Variants in SIK3 observed in about 807,000 individuals in gnomAD.
SIK3 encodes the protein serine/threonine-protein kinase SIK3.
In SIK3, 28 loss-of-function variants were observed where a neutral mutation model predicts 144.2. That is an observed-to-expected ratio of 0.19 (90% CI 0.14 to 0.27). The LOEUF (loss-of-function observed/expected upper bound fraction) is 0.27. SIK3 is among the 10% of genes least tolerant of loss of function. The pLI is 1.00. For synonymous variants in SIK3, 686 were observed against 676.3 expected, an observed-to-expected ratio of 1.01 and a Z score of -0.22; for missense variants, 1,319 against 1,776.0, an observed-to-expected ratio of 0.74 and a Z score of 4.62.
intron 6 of SIK3, among the ~76,000 whole-genome samples, chr11:116,882,587 C>T (rs138453955): frequency 5.8e-4 from 88 of 152,208 alleles, no homozygotes; most frequent in African/African-American, 1.7e-3. Context: ...TCTTTCTGAC[C>T]ACATAAAGCT....
chr11:116,931,180 G>T (rs1022394754), intron 3 of SIK3, among the ~76,000 whole-genome samples: 2 of 152,102 alleles, frequency 1.3e-5, no homozygotes, highest in African/African-American at 4.8e-5. Flanking sequence ...CATACCCGAC[G>T]AAGAGTAATA....
rs552161209 is a variant in SIK3 at position 116,844,657 on chromosome 11, AATAT to A, written c.*982_*985del. On this transcript the variant is annotated 3_prime_UTR_variant, in exon 25 of 25. Coordinates refer to ENST00000445177, the MANE Select transcript of SIK3 (RefSeq NM_001366686.3). ...ATATTATATTATATATTATATATATAATATATATATACACATATATTATATTATA... is the reference window on the plus strand; with the variant it reads ...ATATTATATTATATATTATATATATAATATATACACATATATTATATTATA... 6 of 103,568 alleles carry A rather than the reference AATAT, an allele frequency of 5.8e-5. No homozygotes were observed. Among genetic ancestry groups the A allele is most frequent in the Non-Finnish European group, 1.1e-4 (6 of 54,600 alleles). 6.4% of individuals were successfully genotyped at this position (103,568 alleles called of 1,614,324 possible).
intron 4 of SIK3, among the ~76,000 whole-genome samples, chr11:116,918,804 A>C (rs947821836): frequency 2.0e-5 from 3 of 152,244 alleles, no homozygotes; most frequent in African/African-American, 7.2e-5. Flanking sequence ...TATAGATATG[A>C]CATTAAGTAG....
intron 4 of SIK3, among the ~76,000 whole-genome samples, chr11:116,920,532 T>C (rs886676109): frequency 1.3e-5 from 2 of 152,196 alleles, no homozygotes; most frequent in Middle Eastern, 3.2e-3. Flanking sequence ...TGTCTATTTA[T>C]CCCCATTAGA....
At chr11:117,098,062 GC>G (rs1424293269) in intron 1 of SIK3, 80 bp downstream of exon 1, 8 of 1,185,698 alleles carry the variant, frequency 6.7e-6, no homozygotes, top group Non-Finnish European at 5.2e-6. Flanking sequence ...CGCGCTCGCC[GC>G]CCCGACCCCC....
intron 1 of SIK3, among the ~76,000 whole-genome samples, chr11:117,033,595 G>A (rs1952360058): frequency 6.6e-6 from 1 of 151,320 alleles, no homozygotes. Context: ...TGTAGTCTCA[G>A]CTACTCAGGA....
intron 1 of SIK3, among the ~76,000 whole-genome samples, chr11:117,075,509 G>A (rs1037728648): frequency 6.6e-6 from 1 of 150,642 alleles, no homozygotes; most frequent in Non-Finnish European, 1.5e-5. Flanking sequence ...TATGTGCTAT[G>A]TATATCCACA....
Position 116,867,932 on chromosome 11 carries a change from A to G in SIK3, c.1952+14T>C, listed in dbSNP as rs1213087039. On this transcript the variant is annotated intron_variant, in intron 15 of 24. Coordinates refer to ENST00000445177, the MANE Select transcript of SIK3 (RefSeq NM_001366686.3). The surrounding 1 kb of genome is among the most constrained non-coding windows in gnomAD (Gnocchi z 4.1). ...GAGCCTCAAGGAGCTCGCACAGCTC[A>G]TGTGGCTACTCACCGATGCTGATCA... The G allele has an allele frequency of 1.3e-6, 2 of 1,525,880 alleles. No homozygotes were observed. The highest frequency in any genetic ancestry group is 2.1e-5 in the Admixed American group (1 of 48,314). The allele number at this position is 1,525,880 out of a possible 1,614,324, so 94.5% of individuals were successfully genotyped here.
rs1359988623 is a variant in SIK3, at chr11:117,098,365, A to T, written c.51T>A (p.Thr17=). The part of the protein sequence containing the change: ...SGAGGAAGAG[T]GGAGPAGRLL... Reference sequence around the variant, plus strand: ...GGCGGCCCGCGGGCCCGGCTCCCCCAGTCCCGGCCCCGGCAGCCCCGCCAG... The same window carrying T: ...GGCGGCCCGCGGGCCCGGCTCCCCCTGTCCCGGCCCCGGCAGCCCCGCCAG... The change falls in exon 1 of 25, where the codon ACT becomes ACA. Residue 17 remains threonine, a synonymous_variant. Transcript: ENST00000445177. 8.6e-7 allele frequency: 1 copy of T among 1,160,484 alleles called. No homozygotes were observed. The highest frequency in any genetic ancestry group is 1.1e-6 in the Non-Finnish European group (1 of 945,752). The allele number at this position is 1,160,484 out of a possible 1,614,324, so 71.9% of individuals were successfully genotyped here.
Position 117,098,411 on chromosome 11 carries a change from G to T in SIK3, c.5C>A (p.Ala2Glu). ...GCCAGCTCCGCTCGCCGCCGCCGCCGCCATCTTGTTGTGCAGTGAAACCTC... is the reference window on the plus strand; with the variant it reads ...GCCAGCTCCGCTCGCCGCCGCCGCCTCCATCTTGTTGTGCAGTGAAACCTC... Reference protein sequence around the residue: MAAAAASGAGGA... With the variant: MEAAAASGAGGA... The change falls in exon 1 of 25, where the codon GCG (alanine) becomes GAG (glutamate). Residue 2 changes from alanine (A) to glutamate (E), a missense_variant. Around this residue, in one of 8 missense-constraint regions of SIK3, gnomAD observed 114 missense variants for 116.2 expected, o/e 0.98. Coordinates refer to ENST00000445177, the MANE Select transcript of SIK3 (RefSeq NM_001366686.3). 8.8e-7 allele frequency: 1 copy of T among 1,140,484 alleles called. No homozygotes were observed. Among genetic ancestry groups the T allele is most frequent in the Non-Finnish European group, 1.1e-6 (1 of 931,374 alleles). 70.6% of individuals were successfully genotyped at this position (1,140,484 alleles called of 1,614,324 possible).
intron 1 of SIK3, among the ~76,000 whole-genome samples, chr11:117,096,533 A>C (rs1293146822): frequency 6.6e-6 from 1 of 152,198 alleles, no homozygotes; most frequent in Non-Finnish European, 1.5e-5. Context: ...GTCTTGGCTC[A>C]ATCGACTTCC....
intron 3 of SIK3, among the ~76,000 whole-genome samples, chr11:116,951,631 G>C (rs762881538): frequency 6.6e-6 from 1 of 152,066 alleles, no homozygotes; most frequent in Non-Finnish European, 1.5e-5. Flanking sequence ...ACCAAGAAAC[G>C]GATCTCTCTA....
chr11:116,980,262 CA>C (rs909478043), intron 1 of SIK3, among the ~76,000 whole-genome samples: 3 of 152,170 alleles, frequency 2.0e-5, no homozygotes, highest in African/African-American at 7.2e-5. Context: ...AATCATCTTA[CA>C]GGGGTGTCCA....
At chr11:116,890,234 G>A (rs1376033544) in intron 6 of SIK3, among the ~76,000 whole-genome samples, 1 of 152,202 alleles carries the variant, frequency 6.6e-6, no homozygotes, top group Admixed American at 6.5e-5. Flanking sequence ...GGGTAGCCAG[G>A]ACAGGCCTCT....
At chr11:117,095,640 G>A (rs1006631766) in intron 1 of SIK3, among the ~76,000 whole-genome samples, 4 of 152,288 alleles carry the variant, frequency 2.6e-5, no homozygotes, top group Middle Eastern at 3.4e-3. Context: ...TAAGCTGTCC[G>A]CATTTGAGAA....
chr11:116,861,960 T>G, intron 17 of SIK3, 34 bp from the exon 18 acceptor site: 1 of 1,489,152 alleles, frequency 6.7e-7, no homozygotes, highest in Non-Finnish European at 9.3e-7. Context: ...AAAAAATTAT[T>G]GTGAGCTTGA....
At chr11:116,947,927 T>C (rs1030069811) in intron 3 of SIK3, among the ~76,000 whole-genome samples, 1 of 149,402 alleles carries the variant, frequency 6.7e-6, no homozygotes, top group Non-Finnish European at 1.5e-5. Context: ...GTCCATTTCA[T>C]CTAAGCTGAC....
At chr11:116,917,330 T>C (rs1223111945) in intron 4 of SIK3, among the ~76,000 whole-genome samples, 2 of 152,184 alleles carry the variant, frequency 1.3e-5, no homozygotes, top group Non-Finnish European at 2.9e-5. Context: ...ATAGTTCTTA[T>C]AGTTTCTATA....
chr11:116,955,752 T>G (rs1025458139), intron 2 of SIK3, among the ~76,000 whole-genome samples: 5 of 152,038 alleles, frequency 3.3e-5, no homozygotes, highest in Non-Finnish European at 5.9e-5. Flanking sequence ...CTTTCATAAG[T>G]TTGCTTGTGG....
Sources: allele counts gnomAD v4.1 joint callset (sites outside exome capture counted in the v4.1 genomes callset), GRCh38; gene constraint gnomAD v4.1.1; regional missense constraint gnomAD v4.1.1; non-coding constraint Gnocchi (gnomAD v3.1); transcripts MANE v1.5; gene names NCBI Gene and HGNC (gene_info 2026-07-23, HGNC 2026-07-21).